The following PHRF1 variants were observed in gnomAD, a reference collection of about 807,000 sequenced individuals.
The protein encoded by PHRF1 is PHD and ring finger domains 1.
A neutral mutation model predicts 128.9 loss-of-function variants in PHRF1; 53 were observed. That is an observed-to-expected ratio of 0.41 (90% confidence interval 0.33 to 0.52). The LOEUF (loss-of-function observed/expected upper bound fraction) is 0.52, where lower values mean the gene tolerates loss of function less well. PHRF1 is among the 20% of genes least tolerant of loss of function. The probability of loss-of-function intolerance (pLI) is 0.21; values close to 1 mark genes in which losing one functional copy is unlikely to be tolerated. For missense variants in PHRF1, 2,503 were observed against 2,284.5 expected, an observed-to-expected ratio of 1.10 and a Z score of -1.95; for synonymous variants, 1,178 against 980.6, an observed-to-expected ratio of 1.20 and a Z score of -3.76.
rs546366621 is a variant in PHRF1, at chr11:600,961, G to A, written c.1025-613G>A. On this transcript the variant is annotated intron_variant, in intron 9 of 17. Transcript: ENST00000264555. Reference sequence around the variant, plus strand: ...AGCCTGGGTGACAGAGCGAGACTCCGTCTCAAAAAAACAAAACAAAATAAT... The same window carrying A: ...AGCCTGGGTGACAGAGCGAGACTCCATCTCAAAAAAACAAAACAAAATAAT... Among the ~76,000 whole-genome samples the A allele has an allele frequency of 8.5e-5, 13 of 152,072 alleles. 1 individual carries two copies. Among genetic ancestry groups the A allele is most frequent in the Non-Finnish European group, 1.9e-4 (13 of 67,984 alleles).
At chr11:600,855 A>G (rs921424462) in intron 9 of PHRF1, among the ~76,000 whole-genome samples, 1 of 152,026 alleles carries the variant, frequency 6.6e-6, no homozygotes, top group African/African-American at 2.4e-5. Context: ...AGTCCCAGCT[A>G]CACGGGAGGC....
chr11:606,232 G>A (rs1855928866), intron 12 of PHRF1, among the ~76,000 whole-genome samples: 1 of 151,728 alleles, frequency 6.6e-6, no homozygotes, highest in Non-Finnish European at 1.5e-5. Flanking sequence ...TGGGGCCAGA[G>A]CTGCGAGGTG....
chr11:610,985 C>T lies in PHRF1; in HGVS notation c.4709C>T (p.Ala1570Val). Residue 1570 changes from alanine (A) to valine (V), a missense_variant, in exon 17 of 18, where the codon GCT (alanine) becomes GTT (valine). By Grantham distance (64) the Ala-to-Val change is moderately conservative. Transcript: ENST00000264555. ...AAGAAGCTGCACATGCAGGAGCGTG[C>T]TGTGGAGGAGGTGAAGCTGGCCATC... ...YMKKLHMQER[A>V]VEEVKLAIKP... is the part of the protein sequence containing the mutation. 2 of 1,613,418 alleles carry T rather than the reference C, an allele frequency of 1.2e-6. No individual in the cohort carries two copies. The highest frequency in any genetic ancestry group is 1.7e-6 in the Non-Finnish European group (2 of 1,179,818).
rs201538268 is a variant in PHRF1 at position 597,506 on chromosome 11, G to A, written c.830G>A (p.Arg277Gln). The A allele has an allele frequency of 3.8e-5, 62 of 1,612,464 alleles. No individual in the cohort carries two copies. Among genetic ancestry groups the A allele is most frequent in the Non-Finnish European group, 5.0e-5 (59 of 1,179,576 alleles). The change falls in exon 8 of 18, where the codon CGG becomes CAG. Residue 277 changes from arginine (R) to glutamine (Q), a missense_variant. By Grantham distance (43) the Arg-to-Gln change is conservative. Transcript: ENST00000264555. This position sits in a 1 kb window ranked among gnomAD's most constrained non-coding sequence, Gnocchi z 6.5. ...AGGACCCGGGCGATAGCCAGGACAC[G>A]GCAGAGTGAGAGAGTGAGAGCAACC... is the stretch of plus-strand genomic sequence containing the variant. ...AGRTRAIART[R>Q]QSERVRATVN...
intron 1 of PHRF1, among the ~76,000 whole-genome samples, chr11:579,863 C>T (rs1022826745): frequency 6.6e-6 from 1 of 152,218 alleles, no homozygotes. Flanking sequence ...GGGTTTTGCA[C>T]TGTCTTGTCA....
intron 12 of PHRF1, 74 bp from the exon 13 acceptor site, chr11:606,368 C>A (rs767041074): frequency 8.9e-6 from 13 of 1,459,574 alleles, no homozygotes; most frequent in Non-Finnish European, 1.2e-5. Context: ...CCGCCTGCTG[C>A]GGGGCTCTGC....
In PHRF1 at chr11:610,416, C is replaced by T. The variant is rs1856297706; in HGVS notation, c.4416+69C>T. On this transcript the variant is annotated intron_variant, in intron 15 of 17. Transcript: ENST00000264555. ...TGGCACCCGTGCCACACACACCACA[C>T]TAGGCTGGGGCTGAGGCCTCACAGC... is the stretch of plus-strand genomic sequence containing the variant. 3.2e-6 allele frequency: 5 copies of T among 1,540,142 alleles called. No homozygotes were observed. The South Asian group carries it at 6.2e-5, about 19-fold the overall frequency.
At chr11:577,033 G>A (rs904905303) in intron 1 of PHRF1, among the ~76,000 whole-genome samples, 1 of 152,216 alleles carries the variant, frequency 6.6e-6, no homozygotes, top group Non-Finnish European at 1.5e-5. Context: ...GCCCTGCCGC[G>A]TTTGGGAGAG....
intron 1 of PHRF1, among the ~76,000 whole-genome samples, chr11:580,699 GT>G (rs1453461461): frequency 6.6e-6 from 1 of 152,190 alleles, no homozygotes; most frequent in Non-Finnish European, 1.5e-5. Context: ...GAGCATTGCA[GT>G]TTTTTGAGAT....
chr11:581,208 A>C (rs1854181682), intron 1 of PHRF1, among the ~76,000 whole-genome samples: 1 of 151,194 alleles, frequency 6.6e-6, no homozygotes, highest in African/African-American at 2.5e-5. Context: ...TGTAAATGTG[A>C]ATCATGTGTA....
intron 10 of PHRF1, among the ~76,000 whole-genome samples, chr11:602,750 G>GTTTT (rs1564857849): frequency 7.0e-6 from 1 of 142,460 alleles, no homozygotes; most frequent in African/African-American, 3.0e-5. Context: ...ATCTTTTTTG[G>GTTTT]TTTTGTTTTT....
At chr11:602,693 A>G (rs928948847) in intron 10 of PHRF1, among the ~76,000 whole-genome samples, 1 of 152,098 alleles carries the variant, frequency 6.6e-6, no homozygotes, top group African/African-American at 2.4e-5. Flanking sequence ...AAAACAAAAC[A>G]AAACAAAACA....
In PHRF1 at chr11:581,535, A is replaced by G; in HGVS notation, c.23A>G (p.Glu8Gly). 4 of 1,613,558 alleles carry G rather than the reference A, an allele frequency of 2.5e-6. No homozygotes were observed. Among genetic ancestry groups the G allele is most frequent in the Non-Finnish European group, 3.4e-6 (4 of 1,179,864 alleles). The change falls in exon 2 of 18, where the codon GAG becomes GGG. Residue 8 changes from glutamate (E) to glycine (G), a missense_variant. Physicochemically the swap from Glu to Gly is moderately conservative, Grantham distance 98. Transcript: ENST00000264555. ...GCAATGGATGACGACAGCCTGGATG[A>G]GCTTGTGGCCCGGAGCCCAGGGCCG... Reference protein sequence around the residue: MDDDSLDELVARSPGPDG... With the variant: MDDDSLDGLVARSPGPDG...
In PHRF1 at chr11:608,079, G is replaced by T. The variant is rs772963748; in HGVS notation, c.2623G>T (p.Ala875Ser). Residue 875 changes from alanine to serine, a missense_variant, in exon 14 of 18, where the codon GCT becomes TCT. By Grantham distance (99) the Ala-to-Ser change is moderately conservative (BLOSUM62 1). Transcript: ENST00000264555. Reference sequence around the variant, plus strand: ...CAGCCCGAAGGCCCAGACGGTGCAGGCTGTGCGCTGCGTCACCTCCTACAC... The same window carrying T: ...CAGCCCGAAGGCCCAGACGGTGCAGTCTGTGCGCTGCGTCACCTCCTACAC... Reference protein sequence around the residue: ...INSPKAQTVQAVRCVTSYTVE... With the variant: ...INSPKAQTVQSVRCVTSYTVE... The T allele has an allele frequency of 1.9e-6, 3 of 1,611,540 alleles. No homozygotes were observed. In the South Asian group the frequency reaches 3.3e-5, roughly 18 times the overall value.
At chr11:603,764 C>T (rs1466023038) in intron 10 of PHRF1, among the ~76,000 whole-genome samples, 15 of 76,670 alleles carry the variant, frequency 2.0e-4, no homozygotes, top group African/African-American at 4.8e-4. Flanking sequence ...GATGGAGTTT[C>T]GCTCTTGTTG....
Position 608,802 on chromosome 11 carries a change from T to A in PHRF1, c.3346T>A (p.Ser1116Thr), listed in dbSNP as rs370766202. Residue 1116 changes from serine to threonine, a missense_variant, in exon 14 of 18, where the codon TCC becomes ACC. Coordinates refer to ENST00000264555, the MANE Select transcript of PHRF1 (RefSeq NM_001286581.2). Reference sequence around the variant, plus strand: ...GAAGAAGAAGAAAAGGAGATCAGCGTCCAGACCTCGGGGAAGGGAGTGCTC... The same window carrying A: ...GAAGAAGAAGAAAAGGAGATCAGCGACCAGACCTCGGGGAAGGGAGTGCTC... ...SRKKKKRRSA[S>T]RPRGRECSPT... 6.2e-7 allele frequency: 1 copy of A among 1,611,680 alleles called. No individual in the cohort carries two copies.
In PHRF1 at chr11:597,098, G is replaced by T; in HGVS notation, c.718+78G>T. On this transcript the variant is annotated intron_variant, in intron 7 of 17. Transcript: ENST00000264555. This position sits in a 1 kb window ranked among gnomAD's most constrained non-coding sequence, Gnocchi z 6.5. ...TCTGCGGTCCCCGGGGTTAGGTTTG[G>T]CTGCTGTGTGGGGAGGACATCTAGG... 1 of 1,451,958 alleles carries T rather than the reference G, an allele frequency of 6.9e-7. No homozygotes were observed. Among genetic ancestry groups the T allele is most frequent in the Non-Finnish European group, 9.5e-7 (1 of 1,056,762 alleles). 89.9% of individuals were successfully genotyped at this position (1,451,958 alleles called of 1,614,324 possible).
At chr11:605,352 G>A (rs1228962990) in intron 11 of PHRF1, 52 bp downstream of exon 11, 4 of 1,596,142 alleles carry the variant, frequency 2.5e-6, no homozygotes, top group Admixed American at 1.7e-5. Flanking sequence ...CTCCCTGGGG[G>A]CTGTGGGCAC....
At chr11:605,539 C>T (rs964895388) in intron 11 of PHRF1, 66 bp from the exon 12 acceptor site, 1 of 1,590,548 alleles carries the variant, frequency 6.3e-7, no homozygotes, top group African/African-American at 1.3e-5. Flanking sequence ...CGTGCCGTCT[C>T]CCTGGGCTGG....
Sources: allele counts gnomAD v4.1 joint callset (sites outside exome capture counted in the v4.1 genomes callset), GRCh38; gene constraint gnomAD v4.1.1; non-coding constraint Gnocchi (gnomAD v3.1); transcripts MANE v1.5; gene names NCBI Gene and HGNC (gene_info 2026-07-23, HGNC 2026-07-21).